Variants in JADE1 observed in about 807,000 individuals in gnomAD.
JADE1 encodes protein Jade-1.
A neutral mutation model predicts 81.8 loss-of-function variants in JADE1; 14 were observed. That is an observed-to-expected ratio of 0.17 (90% CI 0.11 to 0.27). JADE1 has a LOEUF of 0.27. Ranked by LOEUF, JADE1 falls within the 10% of genes least tolerant of loss-of-function variation. The pLI, the probability that JADE1 is intolerant of heterozygous loss-of-function variation, is 1.00. For missense variants in JADE1, 690 were observed against 1,047.9 expected (o/e 0.66, Z 4.71); for synonymous variants, 353 against 391.9 (o/e 0.90, Z 1.17).
At chr4:128,868,090 A>C in intron 10 of JADE1, 117 bp downstream of exon 10, 1 of 567,624 alleles carries the variant, frequency 1.8e-6, no homozygotes, top group Admixed American at 2.6e-5. Context: ...AGAAGCATAG[A>C]CGTTCATATT....
intron 3 of JADE1, among the ~76,000 whole-genome samples, chr4:128,843,742 T>G (rs989009796): frequency 2.0e-5 from 3 of 152,218 alleles, no homozygotes; most frequent in African/African-American, 7.2e-5. Flanking sequence ...GAAGAGTTTC[T>G]TTGGTTGAAT....
In JADE1 at chr4:128,862,130, A is replaced by C. The variant is rs957068588; in HGVS notation, c.1408A>C (p.Lys470Gln). ...VNFNKPLITP[K>Q]KDEEDNLAKR... ...CTTCAACAAGCCCCTGATCACCCCA[A>C]AGAAAGATGAAGAGGACAATCTAGC... The change falls in exon 9 of 11, where the codon AAG becomes CAG. Residue 470 changes from lysine to glutamine, a missense_variant. This residue lies in a region of JADE1 where 63 missense variants were observed against 138.4 expected (regional missense o/e 0.46). Coordinates refer to ENST00000226319, the MANE Select transcript of JADE1 (RefSeq NM_199320.4). The C allele has an allele frequency of 1.9e-6, 3 of 1,614,206 alleles. No homozygotes were observed. Among genetic ancestry groups the C allele is most frequent in the Non-Finnish European group, 2.5e-6 (3 of 1,180,034 alleles).
At chr4:128,852,587 T>C (rs1391442737) in intron 6 of JADE1, among the ~76,000 whole-genome samples, 1 of 152,222 alleles carries the variant, frequency 6.6e-6, no homozygotes, top group Non-Finnish European at 1.5e-5. Flanking sequence ...AACACTTAAA[T>C]TTAGGTATTA....
intron 1 of JADE1, among the ~76,000 whole-genome samples, chr4:128,822,965 A>G (rs1047155736): frequency 6.6e-6 from 1 of 152,056 alleles, no homozygotes; most frequent in African/African-American, 2.4e-5. Context: ...TTTCTCCCCT[A>G]ATATGTCTTG....
intron 6 of JADE1, among the ~76,000 whole-genome samples, chr4:128,853,062 G>C (rs893088622): frequency 5.9e-5 from 9 of 151,948 alleles, no homozygotes; most frequent in Non-Finnish European, 1.0e-4. Context: ...CACCTGGCTA[G>C]AGATGGGGTT....
At position 128,840,733 on chromosome 4, in the gene JADE1, G is replaced by A. The variant is rs139414655; in HGVS notation, c.53-2220G>A. ...ACTTCTGCAGGTTGGGCTCACCCCA[G>A]TGTGCCCAGAATATTTCTTTCAGTG... On this transcript the variant is annotated intron_variant, in intron 2 of 10. Coordinates refer to ENST00000226319, the MANE Select transcript of JADE1 (RefSeq NM_199320.4). Among the ~76,000 whole-genome samples, 1,156 of 152,354 alleles carry A rather than the reference G, an allele frequency of 7.6e-3. 9 individuals are homozygous for A. The highest frequency in any genetic ancestry group is 0.011 in the Non-Finnish European group (753 of 68,032).
intron 2 of JADE1, among the ~76,000 whole-genome samples, chr4:128,837,125 G>T (rs1251987063): frequency 6.6e-6 from 1 of 152,158 alleles, no homozygotes; most frequent in African/African-American, 2.4e-5. Flanking sequence ...TGGGAAGAAG[G>T]TCTGGAGCCA....
chr4:128,818,860 T>A (rs1727292344), intron 1 of JADE1, among the ~76,000 whole-genome samples: 1 of 152,118 alleles, frequency 6.6e-6, no homozygotes, highest in Non-Finnish European at 1.5e-5. Context: ...ATTGGTTGAT[T>A]GATTGATTTG....
At chr4:128,862,550 C>T in intron 9 of JADE1, 1 of 1,157,730 alleles carries the variant, frequency 8.6e-7, no homozygotes, top group Non-Finnish European at 1.1e-6. Context: ...GTGAATGAGC[C>T]CCAAGAAAAT....
intron 7 of JADE1, among the ~76,000 whole-genome samples, chr4:128,856,106 A>T (rs1270843318): frequency 6.6e-6 from 1 of 152,208 alleles, no homozygotes; most frequent in East Asian, 1.9e-4. Context: ...AGCGTGAGCC[A>T]CTGTGCCTGG....
rs111966249 is a variant in JADE1, at chr4:128,855,618, G to T, written c.697-12G>T. The stretch of plus-strand genomic sequence containing the variant: ...TCTCTCTATTCCTCTGGGATGTGCC[G>T]TGGCATCACAGGCCTGTTATGGAAT... On this transcript the variant is annotated splice_polypyrimidine_tract_variant and intron_variant, in intron 6 of 10. Coordinates refer to ENST00000226319, the MANE Select transcript of JADE1 (RefSeq NM_199320.4). 1.2e-3 allele frequency: 1,878 copies of T among 1,600,056 alleles called. 22 individuals carry two copies. In the African/African-American group the frequency reaches 0.02, roughly 17 times the overall value.
intron 2 of JADE1, among the ~76,000 whole-genome samples, chr4:128,842,341 G>A (rs1199883530): frequency 1.4e-5 from 2 of 147,356 alleles, no homozygotes; most frequent in African/African-American, 2.5e-5. Flanking sequence ...GCTCTGTCCC[G>A]CAGGCTGGAG....
At chr4:128,840,381 A>G (rs866053604) in intron 2 of JADE1, among the ~76,000 whole-genome samples, 29 of 152,268 alleles carry the variant, frequency 1.9e-4, no homozygotes, top group African/African-American at 6.5e-4. Flanking sequence ...TTTTTAAAGT[A>G]TAGCAGTGGA....
In JADE1 at chr4:128,849,095, G is replaced by C; in HGVS notation, c.412G>C (p.Val138Leu). 6.2e-7 allele frequency: 1 copy of C among 1,614,100 alleles called. No individual in the cohort carries two copies. The highest frequency in any genetic ancestry group is 8.5e-7 in the Non-Finnish European group (1 of 1,180,026). ...GGACATCCGGACGCTGGCTGACAGC[G>C]TGTGTCGCTATGACCTCAATGACAT... ...YVDIRTLADS[V>L]CRYDLNDMDA... The change falls in exon 5 of 11, where the codon GTG (valine) becomes CTG (leucine). Residue 138 changes from valine to leucine, a missense_variant. This residue lies in a region of JADE1 where 98 missense variants were observed against 161.3 expected (regional missense o/e 0.61). Coordinates refer to ENST00000226319, the MANE Select transcript of JADE1 (RefSeq NM_199320.4).
At position 128,843,042 on chromosome 4, in the gene JADE1, C is replaced by T; in HGVS notation, c.138+4C>T. 1 of 1,611,290 alleles carries T rather than the reference C, an allele frequency of 6.2e-7. No homozygotes were observed. ...TGAAGATCGAAAGCCTTCAGAGGTA[C>T]TTCTTGAATGCTTGCCTGACCGTGC... On this transcript the variant is annotated splice_donor_region_variant and intron_variant, in intron 3 of 10. Transcript: ENST00000226319.
chr4:128,848,075 G>T (rs1048110919), intron 4 of JADE1, among the ~76,000 whole-genome samples: 53 of 152,312 alleles, frequency 3.5e-4, no homozygotes, highest in African/African-American at 1.1e-3. Flanking sequence ...GGAGAAACTT[G>T]TGCTTTTGTT....
At chr4:128,813,574 A>G (rs1336640345) in intron 1 of JADE1, among the ~76,000 whole-genome samples, 1 of 151,730 alleles carries the variant, frequency 6.6e-6, no homozygotes, top group Non-Finnish European at 1.5e-5. Context: ...GCGTGCCACC[A>G]CGGCTGGCTA....
chr4:128,819,319 T>A (rs1727342025), intron 1 of JADE1, among the ~76,000 whole-genome samples: 1 of 152,060 alleles, frequency 6.6e-6, no homozygotes. Flanking sequence ...GCTCAGGCAG[T>A]AGTGCAGTGG....
intron 1 of JADE1, among the ~76,000 whole-genome samples, chr4:128,817,116 C>T (rs1434732967): frequency 6.6e-6 from 1 of 152,068 alleles, no homozygotes; most frequent in Non-Finnish European, 1.5e-5. Flanking sequence ...ACCTCGGCCT[C>T]CCAAAGTGCT....
Sources: gnomAD v4.1 joint callset for allele counts (sites outside exome capture counted in the v4.1 genomes callset) on GRCh38, gnomAD v4.1.1 for gene constraint, gnomAD v4.1.1 regional missense constraint, MANE v1.5 for transcripts, NCBI Gene and HGNC (gene_info 2026-07-23, HGNC 2026-07-21) for gene names.